MYOCD: variants seen among roughly 807,000 people sequenced by gnomAD.
The protein encoded by MYOCD is myocardin.
MYOCD carries 32 observed loss-of-function variants against 96.1 expected under a neutral mutation model. The ratio of observed to expected loss-of-function variants is 0.33; its 90% CI spans 0.25 to 0.45. The LOEUF (loss-of-function observed/expected upper bound fraction) is 0.45, where lower values mean the gene tolerates loss of function less well. Ranked by LOEUF, MYOCD falls within the 20% of genes least tolerant of loss-of-function variation. MYOCD has a pLI of 1.00. For missense variants in MYOCD, 1,133 were observed against 1,200.6 expected (o/e 0.94, Z 0.83); for synonymous variants, 469 against 469.0 (o/e 1.00, Z 0.00).
chr17:12,677,988 G>A (rs1910193470), intron 1 of MYOCD, among the ~76,000 whole-genome samples: 1 of 150,510 alleles, frequency 6.6e-6, no homozygotes, highest in Non-Finnish European at 1.5e-5. Flanking sequence ...CGCCTCCCAG[G>A]TTCTAGCGAT....
chr17:12,705,747 AT>A (rs923822090), intron 2 of MYOCD: 2 of 152,252 alleles, frequency 1.3e-5, no homozygotes, highest in African/African-American at 4.8e-5. Context: ...CAATTCAGCA[AT>A]GAAAGCTAAC....
chr17:12,737,416 C>T lies in MYOCD; in HGVS notation c.591+1080C>T, dbSNP rs573851838. The stretch of plus-strand genomic sequence containing the variant: ...TAGGTATCATCGAGGTTGATTCTGA[C>T]AGAGAAGGAACTAAAGCTCTGTGAG... On this transcript the variant is annotated intron_variant, in intron 6 of 13. Transcript: ENST00000425538. Among the ~76,000 whole-genome samples the T allele has an allele frequency of 6.6e-5, 10 of 152,258 alleles. No homozygotes were observed. In the South Asian group the frequency reaches 2.1e-3, roughly 32 times the overall value.
In MYOCD at chr17:12,767,147, A is replaced by C. The variant is rs1381971369; in HGVS notation, c.*3503A>C. ...CTCAGTTCAGCTGTCACATTATGAG[A>C]AGTAAATCAGAATTTTTTTAAGGAG... is the stretch of plus-strand genomic sequence containing the variant. On this transcript the variant is annotated 3_prime_UTR_variant, in exon 14 of 14. Transcript: ENST00000425538. 1 of 152,154 alleles carries C rather than the reference A, an allele frequency of 6.6e-6. No homozygotes were observed. The highest frequency in any genetic ancestry group is 1.5e-5 in the Non-Finnish European group (1 of 68,016). 9.4% of individuals were successfully genotyped at this position (152,154 alleles called of 1,614,324 possible).
chr17:12,751,706 AT>A (rs1358971494), intron 9 of MYOCD, among the ~76,000 whole-genome samples: 1 of 152,190 alleles, frequency 6.6e-6, no homozygotes, highest in Non-Finnish European at 1.5e-5. Flanking sequence ...GCACGGAGTG[AT>A]TGATCACTGA....
At chr17:12,695,834 T>G (rs2150662471) in intron 1 of MYOCD, among the ~76,000 whole-genome samples, 2 of 152,192 alleles carry the variant, frequency 1.3e-5, no homozygotes, top group South Asian at 4.1e-4. Context: ...TGCATTAAAC[T>G]ATAACCCCCC....
At chr17:12,688,697 C>CCCTT (rs1413508438) in intron 1 of MYOCD, among the ~76,000 whole-genome samples, 127 of 148,992 alleles carry the variant, frequency 8.5e-4, no homozygotes, top group African/African-American at 2.9e-3. Context: ...CTTCCTTCCT[C>CCCTT]CCTTCCTTCC....
intron 5 of MYOCD, among the ~76,000 whole-genome samples, chr17:12,729,514 C>T (rs2032103915): frequency 6.6e-6 from 1 of 151,306 alleles, no homozygotes; most frequent in Non-Finnish European, 1.5e-5. Flanking sequence ...AATCTGAGGG[C>T]AGCTTGAGGC....
Position 12,754,249 on chromosome 17 carries a change from C to T in MYOCD, c.2058+903C>T, listed in dbSNP as rs369183323. ...CCTCCCGAGTAGCTGGGACTACAGG[C>T]GCACACCACCATGCCTGGCTATTTT... On this transcript the variant is annotated intron_variant, in intron 10 of 13. Transcript: ENST00000425538. 7.2e-5 allele frequency among the ~76,000 whole-genome samples: 11 copies of T among 152,186 alleles called. No individual in the cohort carries two copies. In the East Asian group the frequency reaches 9.7e-4, roughly 13 times the overall value.
intron 1 of MYOCD, among the ~76,000 whole-genome samples, chr17:12,688,302 C>T (rs1228183986): frequency 1.3e-5 from 2 of 152,158 alleles, no homozygotes; most frequent in Admixed American, 6.5e-5. Context: ...CAGAACAGAT[C>T]GCTTATAGGA....
chr17:12,667,085 C>T (rs1909420637), intron 1 of MYOCD, among the ~76,000 whole-genome samples: 1 of 152,194 alleles, frequency 6.6e-6, no homozygotes, highest in Non-Finnish European at 1.5e-5. Flanking sequence ...AGGACTTCTA[C>T]TTAGATTGAT....
intron 1 of MYOCD, among the ~76,000 whole-genome samples, chr17:12,686,811 T>C (rs1211165895): frequency 6.6e-6 from 1 of 152,184 alleles, no homozygotes; most frequent in East Asian, 1.9e-4. Context: ...AAGGGTTCCC[T>C]CTGCTGCTGT....
At position 12,763,272 on chromosome 17, in the gene MYOCD, C is replaced by T. The variant is rs893908267; in HGVS notation, c.2589C>T (p.Ser863=). The part of the protein sequence containing the change: ...EHLEVLLNSQ[S]PLGKMSDVTL... ...TTGAAGTCTTATTAAATTCCCAGAG[C>T]CCCCTAGGAAAGATGAGTGATGTCA... is the stretch of plus-strand genomic sequence containing the variant. The change falls in exon 14 of 14, where the codon AGC becomes AGT. Residue 863 remains serine, a synonymous_variant. Coordinates refer to ENST00000425538, the MANE Select transcript of MYOCD (RefSeq NM_001146312.3). 1.9e-6 allele frequency: 3 copies of T among 1,613,608 alleles called. No homozygotes were observed. The highest frequency in any genetic ancestry group is 1.7e-6 in the Non-Finnish European group (2 of 1,179,772).
Position 12,752,589 on chromosome 17 carries a change from A to C in MYOCD, c.1301A>C (p.Gln434Pro), listed in dbSNP as rs764329917. The C allele has an allele frequency of 2.5e-6, 4 of 1,614,054 alleles. No individual in the cohort carries two copies. The highest frequency in any genetic ancestry group is 3.4e-6 in the Non-Finnish European group (4 of 1,180,006). ...PVTPNTLPNYQSSSSTSALSN... is the reference protein window; with the variant it reads ...PVTPNTLPNYPSSSSTSALSN... ...ACACCCAACACGCTGCCCAATTACCAGTCTTCCTCTTCTACCAGTGCCCTG... is the reference window on the plus strand; with the variant it reads ...ACACCCAACACGCTGCCCAATTACCCGTCTTCCTCTTCTACCAGTGCCCTG... Residue 434 changes from glutamine to proline, a missense_variant, in exon 10 of 14, where the codon CAG (glutamine) becomes CCG (proline). Gln to Pro is a moderately conservative substitution (Grantham distance 76, BLOSUM62 -1). Transcript: ENST00000425538.
chr17:12,734,335 G>A (rs1212429343), intron 5 of MYOCD, among the ~76,000 whole-genome samples: 1 of 151,966 alleles, frequency 6.6e-6, no homozygotes, highest in East Asian at 1.9e-4. Flanking sequence ...GGCTGACAAA[G>A]TCACATGCAG....
At chr17:12,722,746 C>T in intron 4 of MYOCD, 101 bp from the exon 5 acceptor site, 1 of 936,960 alleles carries the variant, frequency 1.1e-6, no homozygotes, top group Middle Eastern at 2.4e-4. Context: ...TGGTAGAGCA[C>T]AATGTGACAC....
At chr17:12,709,081 C>CTTAGCTGTATGGCA (rs1336729421) in intron 2 of MYOCD, among the ~76,000 whole-genome samples, 1 of 152,194 alleles carries the variant, frequency 6.6e-6, no homozygotes, top group Non-Finnish European at 1.5e-5. Flanking sequence ...GTTTCACTGA[C>CTTAGCTGTATGGCA]TTAGCTGTAT....
intron 2 of MYOCD, among the ~76,000 whole-genome samples, chr17:12,713,079 C>T (rs2031530068): frequency 6.6e-6 from 1 of 152,132 alleles, no homozygotes; most frequent in South Asian, 2.1e-4. Flanking sequence ...CCATATAACA[C>T]CCCTTAACCT....
chr17:12,714,312 A>G (rs895983950), intron 2 of MYOCD, among the ~76,000 whole-genome samples: 13 of 92,516 alleles, frequency 1.4e-4, no homozygotes, highest in African/African-American at 4.0e-4. Flanking sequence ...TAAGGGTTGA[A>G]TGAGGCACGT....
chr17:12,747,675 A>C (rs1259696871), intron 9 of MYOCD, among the ~76,000 whole-genome samples: 2 of 152,166 alleles, frequency 1.3e-5, no homozygotes, highest in Non-Finnish European at 2.9e-5. Context: ...AAAGGGAGAA[A>C]TAAGAGGAAT....
Sources: allele counts gnomAD v4.1 joint callset (sites outside exome capture counted in the v4.1 genomes callset), GRCh38; gene constraint gnomAD v4.1.1; transcripts MANE v1.5; gene names NCBI Gene and HGNC (gene_info 2026-07-23, HGNC 2026-07-21).